Variants in CARD14 observed in about 807,000 individuals in gnomAD.
CARD14 encodes caspase recruitment domain-containing protein 14.
CARD14 carries 107 observed loss-of-function variants against 111.5 expected under a neutral mutation model. The observed-to-expected ratio is 0.96, with a 90% CI of 0.82 to 1.13. The LOEUF (loss-of-function observed/expected upper bound fraction) is 1.13. Ranked by LOEUF, CARD14 falls within the 50% of genes most tolerant of loss-of-function variation. CARD14 has a pLI of 0.00. For synonymous variants in CARD14, 617 were observed against 579.6 expected (o/e 1.06, Z -0.93); for missense variants, 1,322 against 1,362.3 (o/e 0.97, Z 0.47).
Position 80,174,873 on chromosome 17 carries a change from C to T in CARD14, c.-367+1645C>T, listed in dbSNP as rs570665384. 1.2e-3 allele frequency among the ~76,000 whole-genome samples: 182 copies of T among 152,322 alleles called. 2 individuals carry two copies. The highest frequency in any genetic ancestry group is 5.7e-4 in the Non-Finnish European group (39 of 68,024). On this transcript the variant is annotated intron_variant, in intron 2 of 23. Transcript: ENST00000648509. ...TAGAGGGATGCTGAAGCCCTCTCTT[C>T]CCGCAGTCTGTCCCTAAGGGTTGCG...
chr17:80,205,001 G>C, intron 20 of CARD14, 34 bp from the exon 21 acceptor site: 1 of 1,514,794 alleles, frequency 6.6e-7, no homozygotes, highest in Non-Finnish European at 8.9e-7. Flanking sequence ...GGCTGCCGCA[G>C]CCTCACCCAC....
At position 80,205,577 on chromosome 17, in the gene CARD14, C is replaced by G. The variant is rs772829777; in HGVS notation, c.2616C>G (p.Asp872Glu). Residue 872 changes from aspartate to glutamate, a missense_variant, in exon 22 of 24, where the codon GAC becomes GAG. Transcript: ENST00000648509. The part of the protein sequence containing the change: ...EEYEAWSQRG[D>E]IIQEGEVSGG... ...ATGAGGCCTGGAGCCAGAGAGGGGA[C>G]ATCATCCAGGAGGGAGAGGTGTCCG... The G allele has an allele frequency of 1.9e-6, 3 of 1,575,836 alleles. No homozygotes were observed. The highest frequency in any genetic ancestry group is 2.6e-6 in the Non-Finnish European group (3 of 1,160,034).
At chr17:80,170,967 A>T (rs1262432524) in intron 1 of CARD14, among the ~76,000 whole-genome samples, 1 of 150,428 alleles carries the variant, frequency 6.6e-6, no homozygotes, top group Non-Finnish European at 1.5e-5. Context: ...CAGTCTCCCA[A>T]GTAGCTGGGA....
In CARD14 at chr17:80,209,205, G is replaced by T; in HGVS notation, c.*860G>T. The T allele has an allele frequency of 1.5e-6, 1 of 675,246 alleles. No homozygotes were observed. Among genetic ancestry groups the T allele is most frequent in the Non-Finnish European group, 1.8e-6 (1 of 546,658 alleles). The allele number at this position is 675,246 out of a possible 1,614,324, so 41.8% of individuals were successfully genotyped here. On this transcript the variant is annotated 3_prime_UTR_variant, in exon 24 of 24. Coordinates refer to ENST00000648509, the MANE Select transcript of CARD14 (RefSeq NM_001366385.1). ...CTGCCTCCTGGGGCTGTTGCAGACT[G>T]AATGTCATTTTGACAGCAGTGTCCA... is the stretch of plus-strand genomic sequence containing the variant.
chr17:80,204,797 A>C (rs948562219), intron 20 of CARD14: 25 of 492,956 alleles, frequency 5.1e-5, no homozygotes, highest in Non-Finnish European at 8.2e-5. Flanking sequence ...ATTAAGTTGC[A>C]GGCTGCAAAG....
At chr17:80,187,537 G>A (rs1245768473) in intron 7 of CARD14, among the ~76,000 whole-genome samples, 6 of 152,238 alleles carry the variant, frequency 3.9e-5, no homozygotes, top group Admixed American at 3.9e-4. Flanking sequence ...TCTGTGGACG[G>A]TGACATGCCC....
chr17:80,199,561 CAAAAAAAAAAA>C (rs34737700), intron 16 of CARD14, among the ~76,000 whole-genome samples: 4 of 68,790 alleles, frequency 5.8e-5, no homozygotes, highest in African/African-American at 2.5e-4. Context: ...AGCCTTGTCT[CAAAAAAAAAAA>C]AAAAAAAAAG....
Position 80,201,634 on chromosome 17 carries a change from C to A in CARD14, c.1852-110C>A. 1 of 1,160,234 alleles carries A rather than the reference C, an allele frequency of 8.6e-7. No individual in the cohort carries two copies. Among genetic ancestry groups the A allele is most frequent in the Non-Finnish European group, 1.3e-6 (1 of 776,668 alleles). The allele number at this position is 1,160,234 out of a possible 1,614,324, so 71.9% of individuals were successfully genotyped here. ...TGACCAAGGCGTGCAGGCAGTGGTC[C>A]TACGGCAGGGCTGGCCCGCGCCTCG... is the stretch of plus-strand genomic sequence containing the variant. On this transcript the variant is annotated intron_variant, in intron 16 of 23. Coordinates refer to ENST00000648509, the MANE Select transcript of CARD14 (RefSeq NM_001366385.1). This position sits in a 1 kb window ranked among gnomAD's most constrained non-coding sequence, Gnocchi z 5.0.
At position 80,208,387 on chromosome 17, in the gene CARD14, C is replaced by T. The variant is rs1399189100; in HGVS notation, c.*42C>T. 1 of 1,495,396 alleles carries T rather than the reference C, an allele frequency of 6.7e-7. No individual in the cohort carries two copies. The highest frequency in any genetic ancestry group is 9.1e-7 in the Non-Finnish European group (1 of 1,102,906). 92.6% of individuals were successfully genotyped at this position (1,495,396 alleles called of 1,614,324 possible). On this transcript the variant is annotated 3_prime_UTR_variant, in exon 24 of 24. Coordinates refer to ENST00000648509, the MANE Select transcript of CARD14 (RefSeq NM_001366385.1). ...CCGGGACTGTGGGGGCTTCTGTGTG[C>T]CTGTTAATGCAGTCCTGTTCCTCAG...
intron 2 of CARD14, among the ~76,000 whole-genome samples, chr17:80,174,092 C>G (rs2039970539): frequency 6.6e-6 from 1 of 152,130 alleles, no homozygotes; most frequent in African/African-American, 2.4e-5. Flanking sequence ...AATCATTGCA[C>G]TTAGGGAGGC....
rs767438527 is a variant in CARD14, at chr17:80,207,031, T to C, written c.2753T>C (p.Ile918Thr). ...GTCTGCACCCTGCACAGGATGGACA[T>C]CTTCCCCATCGTCATCCACGTCTCT... ...DSVCTLHRMDIFPIVIHVSVN... is the reference protein window; with the variant it reads ...DSVCTLHRMDTFPIVIHVSVN... Residue 918 changes from isoleucine to threonine, a missense_variant, in exon 23 of 24, where the codon ATC becomes ACC. Physicochemically the swap from Ile to Thr is moderately conservative, Grantham distance 89. Transcript: ENST00000648509. 6.2e-7 allele frequency: 1 copy of C among 1,614,090 alleles called. No individual in the cohort carries two copies. Among genetic ancestry groups the C allele is most frequent in the Non-Finnish European group, 8.5e-7 (1 of 1,179,992 alleles).
At position 80,189,945 on chromosome 17, in the gene CARD14, A is replaced by G; in HGVS notation, c.963+73A>G. The stretch of plus-strand genomic sequence containing the variant: ...CAGGGGTGCGGACAGGTCTGTGGGG[A>G]AGCCAGATTCCTTCATCCACGCCGA... On this transcript the variant is annotated intron_variant, in intron 9 of 23. Transcript: ENST00000648509. This position sits in a 1 kb window ranked among gnomAD's most constrained non-coding sequence, Gnocchi z 4.7. 1 of 1,518,910 alleles carries G rather than the reference A, an allele frequency of 6.6e-7. No individual in the cohort carries two copies. 94.1% of individuals were successfully genotyped at this position (1,518,910 alleles called of 1,614,324 possible). A position where few individuals can be genotyped will look rare whatever the true frequency, so the allele number is the denominator to read the frequency against.
chr17:80,187,016 A>G (rs2040366018), intron 7 of CARD14, among the ~76,000 whole-genome samples: 1 of 152,222 alleles, frequency 6.6e-6, no homozygotes, highest in Non-Finnish European at 1.5e-5. Context: ...ACACACACAT[A>G]CTCATATGCA....
In CARD14 at chr17:80,181,526, A is replaced by T; in HGVS notation, c.88A>T (p.Ile30Phe). 1 of 1,588,118 alleles carries T rather than the reference A, an allele frequency of 6.3e-7. No individual in the cohort carries two copies. Among genetic ancestry groups the T allele is most frequent in the Non-Finnish European group, 8.6e-7 (1 of 1,167,666 alleles). ...WEMMESHRHR[I>F]VRCICPSRLT... The stretch of plus-strand genomic sequence containing the variant: ...GATGATGGAGAGCCACCGCCACAGG[A>T]TCGTACGCTGCATCTGCCCCAGCCG... The change falls in exon 5 of 24, where the codon ATC becomes TTC. Residue 30 changes from isoleucine (I) to phenylalanine (F), a missense_variant. Ile to Phe is a conservative substitution (Grantham distance 21, BLOSUM62 0). Transcript: ENST00000648509.
In CARD14 at chr17:80,192,602, C is replaced by T; in HGVS notation, c.1339C>T (p.Leu447Phe). 6.2e-7 allele frequency: 1 copy of T among 1,612,976 alleles called. No individual in the cohort carries two copies. The highest frequency in any genetic ancestry group is 8.5e-7 in the Non-Finnish European group (1 of 1,179,562). ...CCCCAGAGACGACAGCGACTGCAGCCTCGTCAGCTCCACAGAGGTACGGCC... is the reference window on the plus strand; with the variant it reads ...CCCCAGAGACGACAGCGACTGCAGCTTCGTCAGCTCCACAGAGGTACGGCC... Reference protein sequence around the residue: ...ICPRDDSDCSLVSSTESQLLS... With the variant: ...ICPRDDSDCSFVSSTESQLLS... Residue 447 changes from leucine to phenylalanine, a missense_variant, in exon 12 of 24, where the codon CTC becomes TTC. By Grantham distance (22) the Leu-to-Phe change is conservative (BLOSUM62 0). Transcript: ENST00000648509.
Position 80,201,441 on chromosome 17 carries a change from TTTC to T in CARD14, c.1852-300_1852-298del, listed in dbSNP as rs1201522084. ...CTTGAATGTTCTAGAACCGAGGTTC[TTTC>T]TTTTCTTTTCTTTTCTTTTTCAAGA... On this transcript the variant is annotated intron_variant, in intron 16 of 23. Transcript: ENST00000648509. The surrounding 1 kb of genome is among the most constrained non-coding windows in gnomAD (Gnocchi z 5.0). The T allele has an allele frequency of 6.2e-6, 2 of 324,602 alleles. No individual in the cohort carries two copies. Among genetic ancestry groups the T allele is most frequent in the African/African-American group, 4.6e-5 (2 of 43,220 alleles). 20.1% of individuals were successfully genotyped at this position (324,602 alleles called of 1,614,324 possible).
chr17:80,190,690 C>T (rs181229888), intron 9 of CARD14, 84 bp from the exon 10 acceptor site: 578 of 1,521,908 alleles, frequency 3.8e-4, no homozygotes, highest in Non-Finnish European at 4.7e-4. Context: ...TCCCTCCCTC[C>T]ACCCCTGGGT....
Position 80,188,249 on chromosome 17 carries a change from A to G in CARD14, c.676-128A>G. On this transcript the variant is annotated intron_variant, in intron 7 of 23. Coordinates refer to ENST00000648509, the MANE Select transcript of CARD14 (RefSeq NM_001366385.1). This position sits in a 1 kb window ranked among gnomAD's most constrained non-coding sequence, Gnocchi z 4.5. ...AGGTGAACCCTTTCGTGGGTTTTTCAGTCTCGAGGCAGGAAGCCCCCTGAG... is the reference window on the plus strand; with the variant it reads ...AGGTGAACCCTTTCGTGGGTTTTTCGGTCTCGAGGCAGGAAGCCCCCTGAG... 1 of 975,212 alleles carries G rather than the reference A, an allele frequency of 1.0e-6. No individual in the cohort carries two copies. Among genetic ancestry groups the G allele is most frequent in the South Asian group, 2.2e-5 (1 of 46,264 alleles). The allele number at this position is 975,212 out of a possible 1,614,324, so 60.4% of individuals were successfully genotyped here. A position where few individuals can be genotyped will look rare whatever the true frequency, so the allele number is the denominator to read the frequency against.
At chr17:80,175,952 G>GT (rs531556673) in intron 2 of CARD14, among the ~76,000 whole-genome samples, 5 of 53,472 alleles carry the variant, frequency 9.4e-5, no homozygotes, top group Non-Finnish European at 1.6e-4. Context: ...CTCTCGGATC[G>GT]TTTTTTTTTT....
Sources: gnomAD v4.1 joint callset for allele counts (sites outside exome capture counted in the v4.1 genomes callset) on GRCh38, gnomAD v4.1.1 for gene constraint, Gnocchi (gnomAD v3.1) non-coding constraint, MANE v1.5 for transcripts, NCBI Gene and HGNC (gene_info 2026-07-23, HGNC 2026-07-21) for gene names.